Variants in DNAH11 observed in about 807,000 individuals in gnomAD.
DNAH11 encodes the protein dynein axonemal heavy chain 11.
In DNAH11, 442 loss-of-function variants were observed where a neutral mutation model predicts 526.0. The ratio of observed to expected loss-of-function variants is 0.84; its 90% CI spans 0.78 to 0.91. DNAH11 has a LOEUF of 0.91. Among genes scored for constraint, DNAH11 ranks in the 40% least tolerant of loss-of-function variants. The pLI, the probability that DNAH11 is intolerant of heterozygous loss-of-function variation, is 0.00. For missense variants in DNAH11, 6,989 were observed against 5,448.7 expected (o/e 1.28, Z -8.90); for synonymous variants, 2,461 against 1,935.9 (o/e 1.27, Z -7.12).
chr7:21,838,564 T>G (rs1045603195), intron 65 of DNAH11, among the ~76,000 whole-genome samples: 20 of 152,204 alleles, frequency 1.3e-4, no homozygotes, highest in African/African-American at 4.8e-4. Context: ...TAATATGTGA[T>G]CTTTTGTGAC....
At chr7:21,831,085 T>A (rs1406787021) in intron 65 of DNAH11, among the ~76,000 whole-genome samples, 1 of 152,174 alleles carries the variant, frequency 6.6e-6, no homozygotes, top group Non-Finnish European at 1.5e-5. Context: ...CCAGTGTAAT[T>A]TGTTCCTGTG....
At chr7:21,659,466 C>T (rs1247100857) in intron 30 of DNAH11, among the ~76,000 whole-genome samples, 1 of 151,832 alleles carries the variant, frequency 6.6e-6, no homozygotes, top group Non-Finnish European at 1.5e-5. Context: ...GAAAAATAAT[C>T]TATTTTGAAT....
At chr7:21,900,732 G>A (rs1301764537) in intron 81 of DNAH11, among the ~76,000 whole-genome samples, 1 of 138,892 alleles carries the variant, frequency 7.2e-6, no homozygotes, top group Non-Finnish European at 1.7e-5. Flanking sequence ...CTAGTTCAGT[G>A]TATGTGAATT....
chr7:21,819,427 A>G (rs1359897835), intron 65 of DNAH11, among the ~76,000 whole-genome samples: 1 of 152,196 alleles, frequency 6.6e-6, no homozygotes, highest in Non-Finnish European at 1.5e-5. Context: ...AAATTTACCC[A>G]GGCACACATT....
At chr7:21,777,996 ATATT>A (rs1426709215) in intron 56 of DNAH11, among the ~76,000 whole-genome samples, 3 of 152,160 alleles carry the variant, frequency 2.0e-5, no homozygotes, top group African/African-American at 7.2e-5. Flanking sequence ...TTTAATGGTA[ATATT>A]TATACTTTTG....
intron 61 of DNAH11, 30 bp from the exon 62 acceptor site, chr7:21,801,107 G>T (rs1788968153): frequency 6.3e-7 from 1 of 1,580,116 alleles, no homozygotes; most frequent in South Asian, 1.2e-5. Context: ...AACTAAAAAT[G>T]ACTCAAAAGT....
chr7:21,643,856 GATA>G (rs774286612), intron 28 of DNAH11, among the ~76,000 whole-genome samples: 8 of 152,116 alleles, frequency 5.3e-5, no homozygotes, highest in Non-Finnish European at 1.0e-4. Context: ...CATGTTGAAT[GATA>G]ATATTTTGGG....
intron 68 of DNAH11, among the ~76,000 whole-genome samples, chr7:21,855,659 TG>T (rs1465021471): frequency 2.0e-5 from 3 of 152,202 alleles, no homozygotes; most frequent in Non-Finnish European, 4.4e-5. Context: ...CTCCATACCT[TG>T]TACCATGCTG....
At chr7:21,582,652 A>G (rs1211292327) in intron 9 of DNAH11, among the ~76,000 whole-genome samples, 2 of 152,192 alleles carry the variant, frequency 1.3e-5, no homozygotes, top group Non-Finnish European at 1.5e-5. Context: ...GTGTCCCCAG[A>G]TGAAAAGCTT....
At chr7:21,773,166 G>A (rs1246137830) in intron 55 of DNAH11, among the ~76,000 whole-genome samples, 1 of 152,072 alleles carries the variant, frequency 6.6e-6, no homozygotes, top group Non-Finnish European at 1.5e-5. Context: ...AATGTATAGT[G>A]GGGGGTCTTC....
rs141129046 is a variant in DNAH11 at position 21,842,222 on chromosome 7, G to A, written c.10692-322G>A. 3.5e-3 allele frequency among the ~76,000 whole-genome samples: 537 copies of A among 152,222 alleles called. 5 individuals are homozygous for A. The highest frequency in any genetic ancestry group is 0.011 in the African/African-American group (459 of 41,538). On this transcript the variant is annotated intron_variant, in intron 65 of 81. Coordinates refer to ENST00000409508, the MANE Select transcript of DNAH11 (RefSeq NM_001277115.2). ...AGTTTGCAAGTTTATCGATTACATC[G>A]AGGACTTACTGTATAATAATAAAAG...
At chr7:21,769,296 C>T (rs994361955) in intron 55 of DNAH11, among the ~76,000 whole-genome samples, 4 of 152,142 alleles carry the variant, frequency 2.6e-5, no homozygotes, top group Non-Finnish European at 5.9e-5. Flanking sequence ...TGTAGCTGCC[C>T]AGGAATCTGG....
chr7:21,900,944 AC>A (rs1337984819), intron 81 of DNAH11, 62 bp from the exon 82 acceptor site: 6 of 868,774 alleles, frequency 6.9e-6, no homozygotes, highest in Non-Finnish European at 9.4e-6. Flanking sequence ...CAAACAACTT[AC>A]TTGATCATTA....
rs754268577 is a variant in DNAH11 at position 21,739,618 on chromosome 7, A to G, written c.7859A>G (p.Tyr2620Cys). ...CTTAAAGAAATCCATAACTGCCAGT[A>G]TGTCGCCTGCATGAATCCGATGGTG... is the stretch of plus-strand genomic sequence containing the variant. ...VMLKEIHNCQ[Y>C]VACMNPMVGS... is the part of the protein sequence containing the mutation. Residue 2620 changes from tyrosine (Y) to cysteine (C), a missense_variant, in exon 48 of 82, where the codon TAT becomes TGT. Coordinates refer to ENST00000409508, the MANE Select transcript of DNAH11 (RefSeq NM_001277115.2). The G allele has an allele frequency of 1.2e-6, 2 of 1,612,972 alleles. No homozygotes were observed. Among genetic ancestry groups the G allele is most frequent in the Non-Finnish European group, 8.5e-7 (1 of 1,179,492 alleles).
At chr7:21,675,679 A>G (rs551368849) in intron 30 of DNAH11, among the ~76,000 whole-genome samples, 8 of 152,102 alleles carry the variant, frequency 5.3e-5, no homozygotes, top group Non-Finnish European at 1.0e-4. Context: ...TCATTTCTTC[A>G]TCAGTTCCTA....
chr7:21,654,163 A>G (rs936662262), intron 28 of DNAH11, among the ~76,000 whole-genome samples: 2 of 152,132 alleles, frequency 1.3e-5, no homozygotes, highest in Non-Finnish European at 2.9e-5. Flanking sequence ...ATTCACAACC[A>G]CCTTTTATCT....
At chr7:21,864,510 C>G in intron 69 of DNAH11, 25 bp from the exon 70 acceptor site, 1 of 1,606,412 alleles carries the variant, frequency 6.2e-7, no homozygotes. Flanking sequence ...CCTAATAATC[C>G]TTTTCAATTT....
chr7:21,839,459 C>T (rs1421890274), intron 65 of DNAH11, among the ~76,000 whole-genome samples: 1 of 151,584 alleles, frequency 6.6e-6, no homozygotes. Flanking sequence ...CCTGTAGTCC[C>T]AGCTACTCAG....
At chr7:21,887,213 C>T (rs960955389) in intron 76 of DNAH11, among the ~76,000 whole-genome samples, 4 of 152,166 alleles carry the variant, frequency 2.6e-5, no homozygotes, top group African/African-American at 4.8e-5. Context: ...TCAGTGATAT[C>T]TTGCTGTTAG....
Sources: gnomAD v4.1 joint callset for allele counts (sites outside exome capture counted in the v4.1 genomes callset) on GRCh38, gnomAD v4.1.1 for gene constraint, MANE v1.5 for transcripts, NCBI Gene and HGNC (gene_info 2026-07-23, HGNC 2026-07-21) for gene names.